The following AOPEP variants were observed in gnomAD, a reference collection of about 807,000 sequenced individuals.
AOPEP encodes the protein aminopeptidase O (putative), also known as aminopeptidase O.
Under a neutral mutation model 98.1 loss-of-function variants are expected in AOPEP, and 77 were observed. The ratio of observed to expected loss-of-function variants is 0.78; its 90% CI spans 0.65 to 0.95. The LOEUF is 0.95. Among genes scored for constraint, AOPEP ranks in the 40% least tolerant of loss-of-function variants. AOPEP has a pLI of 0.00. For synonymous variants in AOPEP, 346 were observed against 365.3 expected (o/e 0.95, Z 0.60); for missense variants, 1,024 against 1,024.7 (o/e 1.00, Z 0.01).
chr9:94,784,009 G>T (rs1281472690), intron 3 of AOPEP, among the ~76,000 whole-genome samples: 1 of 152,212 alleles, frequency 6.6e-6, no homozygotes, highest in Admixed American at 6.5e-5. Context: ...GCTTCATGCT[G>T]TTTGTCTAAC....
At chr9:94,759,591 C>T in intron 1 of AOPEP, 58 bp from the exon 2 acceptor site, 1 of 556,762 alleles carries the variant, frequency 1.8e-6, no homozygotes. Flanking sequence ...GCAGCAGTTG[C>T]AGGAGCACTT....
At chr9:94,818,146 G>T (rs1045299622) in intron 5 of AOPEP, among the ~76,000 whole-genome samples, 2 of 152,162 alleles carry the variant, frequency 1.3e-5, no homozygotes, top group Non-Finnish European at 2.9e-5. Context: ...GCTGTGTCCT[G>T]TTACTCCCTG....
intron 13 of AOPEP, among the ~76,000 whole-genome samples, chr9:95,011,811 C>G (rs2062546317): frequency 6.6e-6 from 1 of 151,702 alleles, no homozygotes; most frequent in Admixed American, 6.6e-5. Flanking sequence ...GACCCAAACT[C>G]AAAAACAAAA....
chr9:94,990,501 C>T (rs1302332979), intron 11 of AOPEP, among the ~76,000 whole-genome samples: 2 of 152,114 alleles, frequency 1.3e-5, no homozygotes, highest in African/African-American at 2.4e-5. Flanking sequence ...AACCTTGTAT[C>T]AATAGAAAAA....
chr9:95,101,914 A>G, the AOPEP span: 1 of 1,597,698 alleles, frequency 6.3e-7, no homozygotes. Context: ...TCCTTTGTCC[A>G]GGGACGGACC....
At chr9:94,944,482 C>T (rs982953686) in intron 7 of AOPEP, among the ~76,000 whole-genome samples, 1 of 152,230 alleles carries the variant, frequency 6.6e-6, no homozygotes, top group East Asian at 1.9e-4. Flanking sequence ...AAGCTGGACA[C>T]AAAAGGCCAC....
chr9:94,947,551 A>T (rs1310861777), intron 7 of AOPEP, among the ~76,000 whole-genome samples: 1 of 152,162 alleles, frequency 6.6e-6, no homozygotes, highest in Non-Finnish European at 1.5e-5. Flanking sequence ...CCCATATTTC[A>T]TTTTTACATT....
intron 5 of AOPEP, among the ~76,000 whole-genome samples, chr9:94,915,048 CAT>C (rs1003462799): frequency 4.6e-5 from 7 of 152,208 alleles, no homozygotes; most frequent in East Asian, 3.8e-4. Context: ...TCAAGCAAAA[CAT>C]GTGTATGAGC....
chr9:95,065,603 A>G (rs1248773717), intron 14 of AOPEP, among the ~76,000 whole-genome samples: 1 of 152,242 alleles, frequency 6.6e-6, no homozygotes, highest in East Asian at 1.9e-4. Flanking sequence ...ACAGAGCCCT[A>G]CAAGGCAGGT....
the AOPEP span, chr9:95,111,677 ATTC>A: frequency 1.1e-4 from 181 of 1,612,816 alleles, no homozygotes; most frequent in Middle Eastern, 1.6e-4. Context: ...GACAACCTAA[ATTC>A]TTCTTCCTTT....
rs181806603 is a variant in AOPEP, at chr9:94,814,862, C to T, written c.1364+13860C>T. 1.4e-3 allele frequency among the ~76,000 whole-genome samples: 213 copies of T among 152,236 alleles called. 4 individuals carry two copies. Among genetic ancestry groups the T allele is most frequent in the Non-Finnish European group, 2.5e-4 (17 of 68,016 alleles). ...CTCTCAAGTCTTGAACTAGACGGTA[C>T]TCTGTTTGGTTTTTGGTTAGGAAGG... is the stretch of plus-strand genomic sequence containing the variant. On this transcript the variant is annotated intron_variant, in intron 5 of 16. Transcript: ENST00000375315.
chr9:94,991,830 T>A (rs2060908967), intron 11 of AOPEP, among the ~76,000 whole-genome samples: 2 of 152,238 alleles, frequency 1.3e-5, no homozygotes, highest in South Asian at 4.1e-4. Context: ...TAGGAAATAC[T>A]GGGCTCCATT....
At position 94,955,953 on chromosome 9, in the gene AOPEP, A is replaced by C; in HGVS notation, c.1810A>C (p.Thr604Pro). The change falls in exon 9 of 17, where the codon ACC becomes CCC. Residue 604 changes from threonine (T) to proline (P), a missense_variant. Around this residue, in one of 3 missense-constraint regions of AOPEP, gnomAD observed 566 missense variants for 551.7 expected, o/e 1.03. Coordinates refer to ENST00000375315, the MANE Select transcript of AOPEP (RefSeq NM_001193329.3). ...RFLAKRLGDE[T>P]YFSFLRKFVH... ...TCTTGCCAAAAGACTTGGAGATGAA[A>C]CCTATTTTTCATTTTTAAGAAAATT... 1 of 1,613,442 alleles carries C rather than the reference A, an allele frequency of 6.2e-7. No individual in the cohort carries two copies. Among genetic ancestry groups the C allele is most frequent in the Non-Finnish European group, 8.5e-7 (1 of 1,179,894 alleles).
intron 5 of AOPEP, among the ~76,000 whole-genome samples, 188 bp from the exon 6 acceptor site, chr9:94,923,797 AC>A (rs1484207334): frequency 7.2e-5 from 11 of 152,176 alleles, no homozygotes; most frequent in Non-Finnish European, 1.3e-4. Context: ...GGCCACCTGA[AC>A]TACAGCCAGA....
In AOPEP at chr9:94,760,544, G is replaced by A; in HGVS notation, c.761G>A (p.Gly254Glu). 2 of 1,563,476 alleles carry A rather than the reference G, an allele frequency of 1.3e-6. No homozygotes were observed. Among genetic ancestry groups the A allele is most frequent in the Non-Finnish European group, 1.7e-6 (2 of 1,158,400 alleles). ...ATATGGTACAAAACTAAACCTGAAG[G>A]GCGATCGGTTACATGGACCTCAGAC... ...IRIWYKTKPE[G>E]RSVTWTSDQS... The change falls in exon 2 of 17, where the codon GGG becomes GAG. Residue 254 changes from glycine (G) to glutamate (E), a missense_variant. By Grantham distance (98) the Gly-to-Glu change is moderately conservative (BLOSUM62 -2). This residue lies in a region of AOPEP where 440 missense variants were observed against 433.8 expected (regional missense o/e 1.01). Coordinates refer to ENST00000375315, the MANE Select transcript of AOPEP (RefSeq NM_001193329.3).
chr9:94,730,080 C>A (rs1454406874), intron 1 of AOPEP, among the ~76,000 whole-genome samples: 2 of 151,938 alleles, frequency 1.3e-5, no homozygotes, highest in Non-Finnish European at 2.9e-5. Context: ...GTCAGGAGAT[C>A]GAGACCATCC....
chr9:95,135,260 T>TCC, the AOPEP span: 1 of 1,311,244 alleles, frequency 7.6e-7, no homozygotes, highest in Non-Finnish European at 1.1e-6. Flanking sequence ...TTTGTTTACA[T>TCC]CCCCCCCTTT....
intron 7 of AOPEP, among the ~76,000 whole-genome samples, chr9:94,940,705 G>A (rs2056914814): frequency 6.6e-6 from 1 of 152,134 alleles, no homozygotes; most frequent in African/African-American, 2.4e-5. Context: ...ATGTCCTCTG[G>A]CACTTGGAAA....
At chr9:94,811,986 G>C (rs1304514802) in intron 5 of AOPEP, among the ~76,000 whole-genome samples, 3 of 152,170 alleles carry the variant, frequency 2.0e-5, no homozygotes, top group Non-Finnish European at 2.9e-5. Flanking sequence ...CACTTCGATA[G>C]TTTCAAGTTA....
Sources: allele counts gnomAD v4.1 joint callset (sites outside exome capture counted in the v4.1 genomes callset), GRCh38; gene constraint gnomAD v4.1.1; regional missense constraint gnomAD v4.1.1; transcripts MANE v1.5; gene names NCBI Gene and HGNC (gene_info 2026-07-23, HGNC 2026-07-21).